NCOA1: variants seen among roughly 807,000 people sequenced by gnomAD.
The protein encoded by NCOA1 is nuclear receptor coactivator 1, also known as Hin-2 protein.
In NCOA1, 35 loss-of-function variants were observed where a neutral mutation model predicts 150.9. The ratio of observed to expected loss-of-function variants is 0.23; its 90% confidence interval spans 0.18 to 0.31. The LOEUF is 0.31. NCOA1 is among the 10% of genes least tolerant of loss of function. The pLI is 1.00. For synonymous variants in NCOA1, 590 were observed against 630.0 expected, an observed-to-expected ratio of 0.94 and a Z score of 0.95; for missense variants, 1,491 against 1,749.3, an observed-to-expected ratio of 0.85 and a Z score of 2.63.
At chr2:24,541,773 C>T (rs575721577) in intron 1 of NCOA1, among the ~76,000 whole-genome samples, 1 of 152,156 alleles carries the variant, frequency 6.6e-6, no homozygotes, top group African/African-American at 2.4e-5. Context: ...TAGTGTGAGC[C>T]AACAGAAAAT....
chr2:24,570,895 C>T (rs1293390258), intron 2 of NCOA1, among the ~76,000 whole-genome samples: 3 of 152,048 alleles, frequency 2.0e-5, no homozygotes, highest in Non-Finnish European at 2.9e-5. Flanking sequence ...AGGAGGAAAC[C>T]GTAGATTAAC....
intron 3 of NCOA1, among the ~76,000 whole-genome samples, chr2:24,638,497 C>T (rs1670041682): frequency 6.6e-6 from 1 of 152,016 alleles, no homozygotes; most frequent in Admixed American, 6.6e-5. Context: ...ACCTAAATGC[C>T]AAGTAGTAGG....
At chr2:24,558,503 A>T (rs1191686872) in intron 1 of NCOA1, among the ~76,000 whole-genome samples, 1 of 152,192 alleles carries the variant, frequency 6.6e-6, no homozygotes, top group East Asian at 1.9e-4. Flanking sequence ...AACCCATCAG[A>T]TCTCATGAGA....
intron 4 of NCOA1, among the ~76,000 whole-genome samples, chr2:24,648,274 T>A (rs1202348391): frequency 3.0e-5 from 4 of 131,368 alleles, no homozygotes; most frequent in Non-Finnish European, 6.9e-5. Context: ...TTGGCTCATA[T>A]TGTGATTTTT....
In NCOA1 at chr2:24,650,953, T is replaced by C. The variant is rs143920752; in HGVS notation, c.-18+6831T>C. 1.6e-4 allele frequency among the ~76,000 whole-genome samples: 24 copies of C among 152,262 alleles called. No homozygotes were observed. The East Asian group carries it at 4.2e-3, about 27-fold the overall frequency. Reference sequence around the variant, plus strand: ...CAATGAGCATTTCCTTTGAGTGTTATGTTGGCATTCAAAAATTTTTGGATT... The same window carrying C: ...CAATGAGCATTTCCTTTGAGTGTTACGTTGGCATTCAAAAATTTTTGGATT... On this transcript the variant is annotated intron_variant, in intron 4 of 22. Transcript: ENST00000348332.
At chr2:24,528,332 T>A (rs1015878543) in intron 1 of NCOA1, among the ~76,000 whole-genome samples, 1 of 146,110 alleles carries the variant, frequency 6.8e-6, no homozygotes, top group African/African-American at 2.5e-5. Context: ...CAAATAAGGG[T>A]CCAATTTCAT....
At chr2:24,759,784 GTATAA>G (rs1664689420) in intron 21 of NCOA1, among the ~76,000 whole-genome samples, 3 of 151,928 alleles carry the variant, frequency 2.0e-5, no homozygotes, top group South Asian at 4.2e-4. Context: ...ATGTATAGAG[GTATAA>G]TATAATGTAT....
chr2:24,710,796 CTAAT>C (rs1280493562), intron 13 of NCOA1, 131 bp from the exon 14 acceptor site: 1 of 834,444 alleles, frequency 1.2e-6, no homozygotes, highest in African/African-American at 1.7e-5. Flanking sequence ...CCCAATCATT[CTAAT>C]TATTTCTTCT....
chr2:24,734,533 A>C (rs59238783), intron 17 of NCOA1, among the ~76,000 whole-genome samples: 1 of 152,242 alleles, frequency 6.6e-6, no homozygotes, highest in African/African-American at 2.4e-5. Context: ...GATGGCTTAC[A>C]CCTATAACCC....
chr2:24,678,593 A>C (rs1572579811), intron 7 of NCOA1, among the ~76,000 whole-genome samples: 1 of 152,318 alleles, frequency 6.6e-6, no homozygotes, highest in African/African-American at 2.4e-5. Flanking sequence ...GACTGGCATG[A>C]AATGGTATCT....
At chr2:24,497,154 G>T (rs898000193) in intron 1 of NCOA1, among the ~76,000 whole-genome samples, 1 of 152,098 alleles carries the variant, frequency 6.6e-6, no homozygotes, top group African/African-American at 2.4e-5. Flanking sequence ...GCTTATAGGT[G>T]TTAGGGATGA....
chr2:24,682,862 T>A (rs531589398), intron 7 of NCOA1, 89 bp from the exon 8 acceptor site: 2 of 1,162,308 alleles, frequency 1.7e-6, no homozygotes, highest in South Asian at 3.1e-5. Flanking sequence ...GACATATATT[T>A]CTGATCTCTT....
chr2:24,641,434 A>G (rs1282917974), intron 3 of NCOA1, among the ~76,000 whole-genome samples: 1 of 151,992 alleles, frequency 6.6e-6, no homozygotes, highest in East Asian at 1.9e-4. Context: ...TTACCCTCAT[A>G]TTTATGATTT....
chr2:24,660,901 GA>G lies in NCOA1; in HGVS notation c.89+2146del, dbSNP rs901046292. ...ATAGTGAAAACCCATCTCTATTTAAGAAAAAAAAAAATTGCCAGTTGTGGTG... is the reference window on the plus strand; with the variant it reads ...ATAGTGAAAACCCATCTCTATTTAAGAAAAAAAAAATTGCCAGTTGTGGTG... On this transcript the variant is annotated intron_variant, in intron 5 of 22. Coordinates refer to ENST00000348332, the MANE Select transcript of NCOA1 (RefSeq NM_003743.5). Among the ~76,000 whole-genome samples, 958 of 145,554 alleles carry G rather than the reference GA, an allele frequency of 6.6e-3. 12 individuals carry two copies. Among genetic ancestry groups the G allele is most frequent in the African/African-American group, 0.022 (880 of 39,898 alleles).
intron 17 of NCOA1, among the ~76,000 whole-genome samples, chr2:24,730,946 G>C (rs1003455745): frequency 6.6e-6 from 1 of 150,500 alleles, no homozygotes; most frequent in Admixed American, 6.6e-5. Context: ...GTTGAGGCAG[G>C]AGAATCACTT....
At chr2:24,599,833 C>G (rs1030953012) in intron 3 of NCOA1, among the ~76,000 whole-genome samples, 1 of 150,004 alleles carries the variant, frequency 6.7e-6, no homozygotes, top group East Asian at 2.0e-4. Context: ...CTGTTTTAAG[C>G]GATTCTCGTG....
rs1665163570 is a variant in NCOA1 at position 24,768,242 on chromosome 2, T to A, written c.4177T>A (p.Phe1393Ile). The change falls in exon 23 of 23, where the codon TTT becomes ATT. Residue 1393 changes from phenylalanine to isoleucine, a missense_variant. Physicochemically the swap from Phe to Ile is conservative, Grantham distance 21 (BLOSUM62 0). Transcript: ENST00000348332. ...CCAGCAGGTGCAACAGGTTCAGGTG[T>A]TTGCTGACGTCCAGTGTACAGTGAA... ...GTQQVQQVQV[F>I]ADVQCTVNLV... 6.2e-7 allele frequency: 1 copy of A among 1,612,860 alleles called. No individual in the cohort carries two copies. The highest frequency in any genetic ancestry group is 1.7e-5 in the Admixed American group (1 of 59,916).
intron 17 of NCOA1, among the ~76,000 whole-genome samples, chr2:24,731,207 AAAG>A (rs1662994819): frequency 6.6e-6 from 1 of 152,172 alleles, no homozygotes; most frequent in Non-Finnish European, 1.5e-5. Flanking sequence ...GAAGGAAGAG[AAAG>A]AAGGAGATAA....
intron 3 of NCOA1, among the ~76,000 whole-genome samples, chr2:24,626,118 G>T (rs1178712655): frequency 1.3e-5 from 2 of 152,190 alleles, no homozygotes; most frequent in Admixed American, 6.5e-5. Flanking sequence ...ATCTTCAGCT[G>T]TAGCAGTGTG....
Sources: allele counts gnomAD v4.1 joint callset (sites outside exome capture counted in the v4.1 genomes callset), GRCh38; gene constraint gnomAD v4.1.1; transcripts MANE v1.5; gene names NCBI Gene and HGNC (gene_info 2026-07-23, HGNC 2026-07-21).